Variants in OLA1 observed in about 807,000 individuals in gnomAD.
The protein encoded by OLA1 is Obg like ATPase 1.
In OLA1, 14 loss-of-function variants were observed where a neutral mutation model predicts 48.4. The ratio of observed to expected loss-of-function variants is 0.29; its 90% CI spans 0.19 to 0.45. The LOEUF is 0.45. Ranked by LOEUF, OLA1 falls within the 20% of genes least tolerant of loss-of-function variation. The probability of loss-of-function intolerance (pLI) is 1.00; values close to 1 mark genes in which losing one functional copy is unlikely to be tolerated. For synonymous variants in OLA1, 127 were observed against 150.4 expected (o/e 0.84, Z 1.14); for missense variants, 325 against 467.1 (o/e 0.70, Z 2.80).
intron 4 of OLA1, among the ~76,000 whole-genome samples, chr2:174,148,756 C>T (rs1000542914): frequency 1.3e-5 from 2 of 152,188 alleles, no homozygotes; most frequent in African/African-American, 4.8e-5. Flanking sequence ...ACTTTTCCTT[C>T]TTCCCAGCAG....
At chr2:174,116,477 C>T (rs1685786110) in intron 7 of OLA1, among the ~76,000 whole-genome samples, 1 of 152,124 alleles carries the variant, frequency 6.6e-6, no homozygotes, top group South Asian at 2.1e-4. Context: ...GCCAAAGCAA[C>T]AGCTGCCCAC....
intron 4 of OLA1, among the ~76,000 whole-genome samples, chr2:174,149,898 A>T (rs1364865679): frequency 1.3e-5 from 2 of 152,218 alleles, no homozygotes; most frequent in African/African-American, 4.8e-5. Flanking sequence ...TACTTTGGAA[A>T]TTCAGGACTT....
At chr2:174,135,562 C>A (rs1686290795) in intron 5 of OLA1, among the ~76,000 whole-genome samples, 1 of 152,094 alleles carries the variant, frequency 6.6e-6, no homozygotes, top group Non-Finnish European at 1.5e-5. Context: ...ATAAAATCAA[C>A]AGGATGAGAT....
intron 7 of OLA1, among the ~76,000 whole-genome samples, chr2:174,116,977 C>T (rs1190326716): frequency 2.6e-5 from 4 of 152,004 alleles, no homozygotes; most frequent in Non-Finnish European, 5.9e-5. Flanking sequence ...ACAATGTAAA[C>T]AAAGAATGAT....
intron 4 of OLA1, chr2:174,172,380 G>A (rs1433057381): frequency 1.3e-5 from 2 of 155,482 alleles, no homozygotes; most frequent in Non-Finnish European, 2.9e-5. Context: ...CCAACACGCA[G>A]GGCCTACGGA....
intron 4 of OLA1, among the ~76,000 whole-genome samples, chr2:174,165,792 T>C (rs1375405595): frequency 6.7e-6 from 1 of 148,770 alleles, no homozygotes; most frequent in Non-Finnish European, 1.5e-5. Context: ...ATGCCGTTCC[T>C]CTATTCATTG....
chr2:174,160,524 A>T (rs1331789976), intron 4 of OLA1, among the ~76,000 whole-genome samples: 1 of 152,250 alleles, frequency 6.6e-6, no homozygotes, highest in Admixed American at 6.5e-5. Context: ...ATAAATGAAC[A>T]GAGAACTAAT....
At chr2:174,200,523 A>C (rs1245874708) in intron 4 of OLA1, among the ~76,000 whole-genome samples, 1 of 152,164 alleles carries the variant, frequency 6.6e-6, no homozygotes, top group Non-Finnish European at 1.5e-5. Flanking sequence ...GACAGCAAGA[A>C]AGCTATCAAA....
intron 2 of OLA1, among the ~76,000 whole-genome samples, chr2:174,235,853 T>G (rs1688836919): frequency 6.6e-6 from 1 of 152,262 alleles, no homozygotes; most frequent in South Asian, 2.1e-4. Flanking sequence ...CAGAGTAGGA[T>G]GAACAGTTCT....
chr2:174,161,618 T>C (rs960103320), intron 4 of OLA1, among the ~76,000 whole-genome samples: 13 of 150,568 alleles, frequency 8.6e-5, no homozygotes, highest in African/African-American at 3.2e-4. Flanking sequence ...TGAGCTATGA[T>C]GGCACCACTG....
At chr2:174,210,840 T>C (rs1200374233) in intron 4 of OLA1, among the ~76,000 whole-genome samples, 1 of 152,206 alleles carries the variant, frequency 6.6e-6, no homozygotes. Context: ...TGCTGAAATC[T>C]ACTTAAAAGG....
chr2:174,213,667 A>T (rs1688297966), intron 4 of OLA1, among the ~76,000 whole-genome samples: 1 of 152,294 alleles, frequency 6.6e-6, no homozygotes, highest in Non-Finnish European at 1.5e-5. Context: ...CTGCTTTCAG[A>T]TAAGTTACTG....
intron 5 of OLA1, among the ~76,000 whole-genome samples, chr2:174,132,896 C>T (rs1406347722): frequency 6.6e-6 from 1 of 152,122 alleles, no homozygotes; most frequent in East Asian, 1.9e-4. Flanking sequence ...TACTAAAATT[C>T]TGTCTGCTTA....
intron 7 of OLA1, among the ~76,000 whole-genome samples, chr2:174,091,535 T>C (rs1262548350): frequency 1.3e-5 from 2 of 152,232 alleles, no homozygotes; most frequent in African/African-American, 4.8e-5. Context: ...GTACAAGTGC[T>C]GAAATCTTCA....
At chr2:174,198,280 C>A (rs552649506) in intron 4 of OLA1, among the ~76,000 whole-genome samples, 1 of 152,012 alleles carries the variant, frequency 6.6e-6, no homozygotes, top group Non-Finnish European at 1.5e-5. Context: ...ATTTTATATG[C>A]AATGCTTGCA....
intron 4 of OLA1, among the ~76,000 whole-genome samples, chr2:174,158,773 G>C (rs1435130398): frequency 6.6e-6 from 1 of 152,030 alleles, no homozygotes; most frequent in African/African-American, 2.4e-5. Context: ...TTGTAATAAA[G>C]TAGAGAAATC....
intron 4 of OLA1, among the ~76,000 whole-genome samples, chr2:174,151,392 T>C (rs975640554): frequency 6.6e-6 from 1 of 152,182 alleles, no homozygotes; most frequent in Non-Finnish European, 1.5e-5. Flanking sequence ...TCATATCAAA[T>C]CACAGCACCA....
At chr2:174,123,900 T>C (rs2105368242) in intron 5 of OLA1, among the ~76,000 whole-genome samples, 1 of 152,224 alleles carries the variant, frequency 6.6e-6, no homozygotes, top group Admixed American at 6.5e-5. Flanking sequence ...TAGCAAAAAT[T>C]AGTAACAGCC....
At chr2:174,171,774 G>C (rs1254121287) in intron 4 of OLA1, 1 of 152,260 alleles carries the variant, frequency 6.6e-6, no homozygotes, top group Non-Finnish European at 1.5e-5. Context: ...GGACTCCAGA[G>C]AGCCCTGAGC....
Sources: gnomAD v4.1 joint callset for allele counts (sites outside exome capture counted in the v4.1 genomes callset) on GRCh38, gnomAD v4.1.1 for gene constraint, MANE v1.5 for transcripts, NCBI Gene and HGNC (gene_info 2026-07-23, HGNC 2026-07-21) for gene names.